Variants in FXR1 observed in about 807,000 individuals in gnomAD.
FXR1 encodes the protein FMR1 autosomal homolog 1.
A neutral mutation model predicts 84.0 loss-of-function variants in FXR1; 15 were observed. That is an observed-to-expected ratio of 0.18 (90% CI 0.12 to 0.27). FXR1 has a LOEUF of 0.27. Among genes scored for constraint, FXR1 ranks in the 10% least tolerant of loss-of-function variants. The probability of loss-of-function intolerance (pLI) is 1.00; values close to 1 mark genes in which losing one functional copy is unlikely to be tolerated. For missense variants in FXR1, 480 were observed against 774.4 expected, an observed-to-expected ratio of 0.62 and a Z score of 4.51; for synonymous variants, 245 against 250.7, an observed-to-expected ratio of 0.98 and a Z score of 0.21.
intron 11 of FXR1, among the ~76,000 whole-genome samples, chr3:180,962,111 CATTTTA>C (rs1712198976): frequency 6.6e-6 from 1 of 152,082 alleles, no homozygotes; most frequent in Admixed American, 6.6e-5. Context: ...AATTATTAAA[CATTTTA>C]ATTTTATTTT....
At chr3:180,965,159 GGCAT>G (rs1712659691) in intron 13 of FXR1, among the ~76,000 whole-genome samples, 1 of 152,046 alleles carries the variant, frequency 6.6e-6, no homozygotes, top group East Asian at 1.9e-4. Flanking sequence ...TGGGATTACA[GGCAT>G]GCACCACCAT....
intron 3 of FXR1, among the ~76,000 whole-genome samples, chr3:180,937,256 T>C (rs1720628762): frequency 6.6e-6 from 1 of 152,300 alleles, no homozygotes; most frequent in Admixed American, 6.5e-5. Context: ...TGTGTGGCAC[T>C]CAGTTTTGAG....
At chr3:180,924,442 A>G (rs1718936495) in intron 1 of FXR1, among the ~76,000 whole-genome samples, 1 of 152,212 alleles carries the variant, frequency 6.6e-6, no homozygotes, top group Admixed American at 6.5e-5. Context: ...TGCTGTGTTC[A>G]GTTTTCTCTT....
intron 1 of FXR1, among the ~76,000 whole-genome samples, chr3:180,923,358 A>G (rs942922746): frequency 2.0e-5 from 3 of 152,150 alleles, no homozygotes; most frequent in Non-Finnish European, 4.4e-5. Flanking sequence ...AGAAGGGAAC[A>G]TTGTGATTTG....
At chr3:180,961,439 A>T in intron 10 of FXR1, 29 bp from the exon 11 acceptor site, 1 of 1,155,418 alleles carries the variant, frequency 8.7e-7, no homozygotes, top group Non-Finnish European at 1.3e-6. Flanking sequence ...AATATTAAAC[A>T]CTGAATACTT....
chr3:180,929,012 C>T (rs1719572982), intron 1 of FXR1, among the ~76,000 whole-genome samples: 1 of 152,088 alleles, frequency 6.6e-6, no homozygotes. Flanking sequence ...GCCTCCACCT[C>T]CTGGGATCAA....
intron 1 of FXR1, among the ~76,000 whole-genome samples, chr3:180,920,348 T>C (rs746887628): frequency 1.3e-4 from 20 of 152,216 alleles, no homozygotes; most frequent in Non-Finnish European, 5.9e-5. Context: ...TAGTAACTGC[T>C]AACTTCATCA....
intron 3 of FXR1, among the ~76,000 whole-genome samples, chr3:180,941,682 A>G (rs1348584894): frequency 6.6e-6 from 1 of 152,250 alleles, no homozygotes; most frequent in Non-Finnish European, 1.5e-5. Context: ...AGAGACGAAC[A>G]TATTCTTTGT....
chr3:180,972,585 A>G lies in FXR1; in HGVS notation c.1603+2227A>G, dbSNP rs185348506. 4.9e-4 allele frequency among the ~76,000 whole-genome samples: 75 copies of G among 152,348 alleles called. 1 individual carries two copies. Among genetic ancestry groups the G allele is most frequent in the South Asian group, 4.6e-3 (22 of 4,832 alleles). On this transcript the variant is annotated intron_variant, in intron 15 of 16. Coordinates refer to ENST00000357559, the MANE Select transcript of FXR1 (RefSeq NM_005087.4). Reference sequence around the variant, plus strand: ...TGAACTTAACAGAATATATTACAACATTTATTAACTAGATGTATGGTGGTT... The same window carrying G: ...TGAACTTAACAGAATATATTACAACGTTTATTAACTAGATGTATGGTGGTT...
chr3:180,928,699 A>C (rs1719525508), intron 1 of FXR1, among the ~76,000 whole-genome samples: 1 of 152,060 alleles, frequency 6.6e-6, no homozygotes, highest in Non-Finnish European at 1.5e-5. Flanking sequence ...TTTTTTGTAT[A>C]AAATTTTTAT....
intron 1 of FXR1, chr3:180,915,516 C>G: frequency 6.7e-7 from 1 of 1,489,054 alleles, no homozygotes; most frequent in Non-Finnish European, 9.1e-7. Flanking sequence ...GAAGATAATA[C>G]ATGGTCACTG....
At chr3:180,964,302 G>A (rs942902636) in intron 13 of FXR1, among the ~76,000 whole-genome samples, 3 of 152,130 alleles carry the variant, frequency 2.0e-5, no homozygotes, top group African/African-American at 7.2e-5. Flanking sequence ...TATTCTCATT[G>A]ATTTTTGAAC....
chr3:180,941,915 T>C (rs942918440), intron 3 of FXR1, among the ~76,000 whole-genome samples: 1 of 152,212 alleles, frequency 6.6e-6, no homozygotes, highest in Non-Finnish European at 1.5e-5. Context: ...ATAATAGCAG[T>C]ACTCAATAAA....
chr3:180,941,307 C>CA (rs1348557880), intron 3 of FXR1, among the ~76,000 whole-genome samples: 2 of 151,870 alleles, frequency 1.3e-5, no homozygotes, highest in Non-Finnish European at 2.9e-5. Context: ...TCTTCCCTGT[C>CA]TCAGCTTCTT....
intron 3 of FXR1, among the ~76,000 whole-genome samples, chr3:180,941,397 T>A (rs1274641832): frequency 6.6e-6 from 1 of 152,042 alleles, no homozygotes; most frequent in East Asian, 1.9e-4. Flanking sequence ...TTTGCCATGG[T>A]GCCCAAGCGA....
At chr3:180,951,215 C>A in intron 7 of FXR1, 83 bp from the exon 8 acceptor site, 1 of 771,478 alleles carries the variant, frequency 1.3e-6, no homozygotes, top group Non-Finnish European at 2.2e-6. Context: ...AGAGTGAGAC[C>A]CTGTCTGGAA....
chr3:180,935,947 A>G (rs1225770418), intron 3 of FXR1, among the ~76,000 whole-genome samples: 1 of 152,042 alleles, frequency 6.6e-6, no homozygotes, highest in East Asian at 1.9e-4. Context: ...GTTGCAGTGC[A>G]ATGGCGCGAT....
intron 1 of FXR1, among the ~76,000 whole-genome samples, chr3:180,931,022 GCC>G: frequency 2.5e-5 from 1 of 40,046 alleles, no homozygotes; most frequent in Non-Finnish European, 3.9e-5. Context: ...GAGCGAGACT[GCC>G]TCAAAAAAAA....
intron 1 of FXR1, among the ~76,000 whole-genome samples, chr3:180,919,975 G>GATA (rs756396860): frequency 1.3e-5 from 2 of 152,166 alleles, no homozygotes; most frequent in African/African-American, 2.4e-5. Flanking sequence ...TTTTAATCAA[G>GATA]ATAATTTATG....
Sources: gnomAD v4.1 joint callset for allele counts (sites outside exome capture counted in the v4.1 genomes callset) on GRCh38, gnomAD v4.1.1 for gene constraint, MANE v1.5 for transcripts, NCBI Gene and HGNC (gene_info 2026-07-23, HGNC 2026-07-21) for gene names.